Variants in PILRA observed in about 807,000 individuals in gnomAD.
PILRA encodes the protein paired immunoglobulin-like type 2 receptor alpha.
Under a neutral mutation model 33.1 loss-of-function variants are expected in PILRA, and 37 were observed. The observed-to-expected ratio is 1.12, with a 90% CI of 0.86 to 1.47. The LOEUF is 1.47. Ranked by LOEUF, PILRA falls within the 40% of genes most tolerant of loss-of-function variation. PILRA has a pLI of 0.00. For synonymous variants in PILRA, 146 were observed against 149.9 expected, an observed-to-expected ratio of 0.97 and a Z score of 0.19; for missense variants, 312 against 376.2, an observed-to-expected ratio of 0.83 and a Z score of 1.41.
intron 3 of PILRA, 79 bp downstream of exon 3, chr7:100,390,185 C>A: frequency 1.6e-6 from 2 of 1,248,048 alleles, no homozygotes; most frequent in South Asian, 1.2e-5. Flanking sequence ...TATGGGGCTC[C>A]TGAAATATGC....
chr7:100,385,234 C>T (rs752175136), intron 2 of PILRA, among the ~76,000 whole-genome samples: 1 of 152,132 alleles, frequency 6.6e-6, no homozygotes, highest in Non-Finnish European at 1.5e-5. Context: ...AGTGAGGAGG[C>T]AGGTGCAGGA....
intron 2 of PILRA, among the ~76,000 whole-genome samples, chr7:100,382,363 T>C (rs1435590507): frequency 6.6e-6 from 1 of 152,092 alleles, no homozygotes; most frequent in East Asian, 1.9e-4. Flanking sequence ...CTAGCTAATC[T>C]AGTGAGGACT....
At chr7:100,391,165 CAAT>C (rs201101077) in intron 3 of PILRA, among the ~76,000 whole-genome samples, 21,820 of 141,012 alleles carry the variant, frequency 0.15, 1,945 homozygotes, top group Middle Eastern at 0.21. Flanking sequence ...ATAATAATAA[CAAT>C]AATAATAATA....
intron 2 of PILRA, among the ~76,000 whole-genome samples, chr7:100,381,874 G>A (rs913849920): frequency 1.3e-4 from 20 of 152,210 alleles, no homozygotes; most frequent in Admixed American, 2.6e-4. Flanking sequence ...GCCAGCAGCT[G>A]CGGAGGGTGC....
At chr7:100,373,385 G>C (rs935959206), upstream of PILRA, 182 of 571,862 alleles carry the variant, frequency 3.2e-4, no homozygotes, top group Non-Finnish European at 5.3e-5. Context: ...GCAGGAGGAC[G>C]GGGACCGCGG....
chr7:100,386,494 A>G (rs529683837), intron 2 of PILRA, among the ~76,000 whole-genome samples: 2 of 151,678 alleles, frequency 1.3e-5, no homozygotes, highest in Non-Finnish European at 2.9e-5. Flanking sequence ...ACAGAGTGAC[A>G]CTATGTCAAA....
chr7:100,395,998 C>A (rs1791485950), intron 3 of PILRA, among the ~76,000 whole-genome samples: 1 of 152,076 alleles, frequency 6.6e-6, no homozygotes, highest in Non-Finnish European at 1.5e-5. Flanking sequence ...GTGGCGGGCA[C>A]CTGTAATCCC....
chr7:100,385,939 T>A (rs1791243449), intron 2 of PILRA, among the ~76,000 whole-genome samples: 1 of 151,574 alleles, frequency 6.6e-6, no homozygotes, highest in Admixed American at 6.6e-5. Flanking sequence ...TATGTCTTTT[T>A]TTTTTTTTGA....
intron 2 of PILRA, among the ~76,000 whole-genome samples, chr7:100,385,938 T>TA (rs1356590571): frequency 6.6e-6 from 1 of 151,134 alleles, no homozygotes; most frequent in East Asian, 1.9e-4. Context: ...CTATGTCTTT[T>TA]TTTTTTTTTG....
chr7:100,387,652 G>A (rs1452405392), intron 2 of PILRA, among the ~76,000 whole-genome samples: 1 of 152,272 alleles, frequency 6.6e-6, no homozygotes, highest in South Asian at 2.1e-4. Flanking sequence ...GCTGCAGTGA[G>A]GTACGATTGC....
chr7:100,378,396 C>G (rs1040192858), intron 2 of PILRA, among the ~76,000 whole-genome samples: 2 of 151,880 alleles, frequency 1.3e-5, no homozygotes, highest in Non-Finnish European at 2.9e-5. Flanking sequence ...TGTTGCCTGC[C>G]TGTTCCTTCC....
At chr7:100,384,446 G>A (rs1485071535) in intron 2 of PILRA, among the ~76,000 whole-genome samples, 1 of 75,130 alleles carries the variant, frequency 1.3e-5, no homozygotes, top group Admixed American at 1.5e-4. Context: ...TTTTTTTTTT[G>A]AGACGGAGTC....
At chr7:100,377,431 C>T (rs1258916867) in intron 2 of PILRA, among the ~76,000 whole-genome samples, 2 of 151,568 alleles carry the variant, frequency 1.3e-5, no homozygotes, top group South Asian at 2.1e-4. Context: ...TTAGTAGAGA[C>T]GGGGTTTCAC....
intron 2 of PILRA, among the ~76,000 whole-genome samples, chr7:100,389,583 A>G (rs967398228): frequency 5.9e-4 from 86 of 146,146 alleles, no homozygotes; most frequent in African/African-American, 2.1e-3. Context: ...AATTAAAGGA[A>G]GGAAGAAATG....
In PILRA at chr7:100,389,894, C is replaced by G. The variant is rs761507310; in HGVS notation, c.461C>G (p.Thr154Arg). The G allele has an allele frequency of 1.2e-6, 2 of 1,613,692 alleles. No individual in the cohort carries two copies. The highest frequency in any genetic ancestry group is 4.5e-5 in the East Asian group (2 of 44,858). Residue 154 changes from threonine to arginine, a missense_variant, in exon 3 of 7, where the codon ACG becomes AGG. Thr to Arg is a moderately conservative substitution (Grantham distance 71). Coordinates refer to ENST00000198536, the MANE Select transcript of PILRA (RefSeq NM_013439.3). Reference sequence around the variant, plus strand: ...ATTCCTCATCTCTCCCCAGCTGTCACGACCACCACCCAGAGGCCCAGCAGC... The same window carrying G: ...ATTCCTCATCTCTCCCCAGCTGTCAGGACCACCACCCAGAGGCCCAGCAGC... ...GTKLSITQAV[T>R]TTTQRPSSMT... is the part of the protein sequence containing the mutation.
intron 2 of PILRA, 188 bp downstream of exon 2, chr7:100,374,621 G>C (rs747572118): frequency 1.3e-5 from 9 of 681,926 alleles, no homozygotes; most frequent in African/African-American, 8.9e-5. Flanking sequence ...CTCCACAACT[G>C]ATCTGCTTTC....
chr7:100,371,395 T>A (rs1790808824), upstream of PILRA, among the ~76,000 whole-genome samples: 1 of 152,182 alleles, frequency 6.6e-6, no homozygotes, highest in African/African-American at 2.4e-5. Flanking sequence ...GTGAGAATAT[T>A]ACAGTTGGCT....
upstream of PILRA, among the ~76,000 whole-genome samples, chr7:100,371,606 T>C (rs1790814575): frequency 6.6e-6 from 1 of 152,126 alleles, no homozygotes; most frequent in Non-Finnish European, 1.5e-5. Flanking sequence ...TCCCTGCCCC[T>C]GCTCCCCACA....
chr7:100,382,824 G>A (rs1213373424), intron 2 of PILRA, among the ~76,000 whole-genome samples: 1 of 152,184 alleles, frequency 6.6e-6, no homozygotes, highest in African/African-American at 2.4e-5. Context: ...CACTCTGGAA[G>A]CCAGCGAGAC....
Sources: gnomAD v4.1 joint callset for allele counts (sites outside exome capture counted in the v4.1 genomes callset) on GRCh38, gnomAD v4.1.1 for gene constraint, MANE v1.5 for transcripts, NCBI Gene and HGNC (gene_info 2026-07-23, HGNC 2026-07-21) for gene names.